Variants in PHACTR2 observed in about 807,000 individuals in gnomAD.
The protein encoded by PHACTR2 is chromosome 6 open reading frame 56.
Under a neutral mutation model 76.0 loss-of-function variants are expected in PHACTR2, and 30 were observed. That is an observed-to-expected ratio of 0.39 (90% CI 0.30 to 0.54). The LOEUF (loss-of-function observed/expected upper bound fraction) is 0.54. Among genes scored for constraint, PHACTR2 ranks in the 20% least tolerant of loss-of-function variants. PHACTR2 has a pLI of 0.61. For synonymous variants in PHACTR2, 292 were observed against 292.5 expected, an observed-to-expected ratio of 1.00 and a Z score of 0.02; for missense variants, 696 against 781.1, an observed-to-expected ratio of 0.89 and a Z score of 1.30.
chr6:143,687,751 G>A (rs1452293217), intron 1 of PHACTR2, among the ~76,000 whole-genome samples: 2 of 152,120 alleles, frequency 1.3e-5, no homozygotes, highest in Non-Finnish European at 2.9e-5. Context: ...AAGGAAATTT[G>A]GCTGCCAAGG....
chr6:143,622,737 G>T (rs2066365), intron 1 of PHACTR2, among the ~76,000 whole-genome samples: 26,852 of 152,138 alleles, frequency 0.18, 2,726 homozygotes, highest in South Asian at 0.27. Context: ...TGATTTTTTT[G>T]TGTGTGTGTT....
At position 143,730,771 on chromosome 6, in the gene PHACTR2, G is replaced by A. The variant is rs968700939; in HGVS notation, c.215-18214G>A. 2.6e-5 allele frequency among the ~76,000 whole-genome samples: 4 copies of A among 152,210 alleles called. No individual in the cohort carries two copies. Among genetic ancestry groups the A allele is most frequent in the African/African-American group, 7.2e-5 (3 of 41,526 alleles). ...TTGTGTGTGTTTGTTTGTTTGAGACGGAGTCTTGCTCTGTGGCCCAGGCTG... is the reference window on the plus strand; with the variant it reads ...TTGTGTGTGTTTGTTTGTTTGAGACAGAGTCTTGCTCTGTGGCCCAGGCTG... On this transcript the variant is annotated intron_variant, in intron 2 of 12. Transcript: ENST00000440869. This position sits in a 1 kb window ranked among gnomAD's most constrained non-coding sequence, Gnocchi z 4.8.
chr6:143,753,834 G>A lies in PHACTR2; in HGVS notation c.376G>A (p.Val126Ile), dbSNP rs1779240997. ...AGAGGAATCTACCCGAGAGGAAAAT[G>A]TAGTAAAGTCTGAAGAAGGTAATGG... ...IGEESTREENVVKSEEGNGSV... is the reference protein window; with the variant it reads ...IGEESTREENIVKSEEGNGSV... Residue 126 changes from valine to isoleucine, a missense_variant, in exon 4 of 13, where the codon GTA becomes ATA. By Grantham distance (29) the Val-to-Ile change is conservative (BLOSUM62 3). Transcript: ENST00000440869. This position sits in a 1 kb window ranked among gnomAD's most constrained non-coding sequence, Gnocchi z 4.6. The A allele has an allele frequency of 1.2e-6, 2 of 1,613,002 alleles. No individual in the cohort carries two copies. The highest frequency in any genetic ancestry group is 1.1e-5 in the South Asian group (1 of 91,012).
At chr6:143,642,077 GA>G (rs1307389639) in intron 1 of PHACTR2, among the ~76,000 whole-genome samples, 2 of 152,136 alleles carry the variant, frequency 1.3e-5, no homozygotes, top group African/African-American at 4.8e-5. Flanking sequence ...CCTTGATTCA[GA>G]ATGTCCTTTC....
rs1280949631 is a variant in PHACTR2 at position 143,556,939 on chromosome 6, C to G, written c.217+19732C>G. On this transcript the variant is annotated intron_variant, in intron 1 of 11. Transcript: ENST00000367584. The surrounding 1 kb of genome is among the most constrained non-coding windows in gnomAD (Gnocchi z 4.3). Reference sequence around the variant, plus strand: ...ATATGCTGCCTGTCTGTCCTCCTCCCTCAGAGAGACCACATTTCCTTTTGA... The same window carrying G: ...ATATGCTGCCTGTCTGTCCTCCTCCGTCAGAGAGACCACATTTCCTTTTGA... Among the ~76,000 whole-genome samples, 1 of 152,198 alleles carries G rather than the reference C, an allele frequency of 6.6e-6. No homozygotes were observed. Among genetic ancestry groups the G allele is most frequent in the Non-Finnish European group, 1.5e-5 (1 of 68,034 alleles).
chr6:143,556,728 T>G lies in PHACTR2; in HGVS notation c.217+19521T>G, dbSNP rs1018858015. Among the ~76,000 whole-genome samples, 1 of 152,148 alleles carries G rather than the reference T, an allele frequency of 6.6e-6. No homozygotes were observed. The highest frequency in any genetic ancestry group is 1.5e-5 in the Non-Finnish European group (1 of 68,024). On this transcript the variant is annotated intron_variant, in intron 1 of 11. Coordinates refer to the PHACTR2 transcript ENST00000367584. This position sits in a 1 kb window ranked among gnomAD's most constrained non-coding sequence, Gnocchi z 4.3. ...AACTAGAGGAGAAGGAAGACGTACA[T>G]CACCACAGGACCACAGCGACGCATC...
chr6:143,646,541 G>GA lies in PHACTR2; in HGVS notation c.13+38226dup, dbSNP rs1293286670. On this transcript the variant is annotated intron_variant, in intron 1 of 11. Transcript: ENST00000305766. This position sits in a 1 kb window ranked among gnomAD's most constrained non-coding sequence, Gnocchi z 4.1. The stretch of plus-strand genomic sequence containing the variant: ...ATAACCTGATCCTTCAAATATAACT[G>GA]AAAAAAAGGTGCTCCATTTTGCATG... 1.3e-5 allele frequency among the ~76,000 whole-genome samples: 2 copies of GA among 151,850 alleles called. No individual in the cohort carries two copies. Among genetic ancestry groups the GA allele is most frequent in the African/African-American group, 4.8e-5 (2 of 41,358 alleles).
At chr6:143,615,816 A>G (rs1471808321) in intron 1 of PHACTR2, among the ~76,000 whole-genome samples, 15 of 152,186 alleles carry the variant, frequency 9.9e-5, no homozygotes, top group Admixed American at 9.8e-4. Flanking sequence ...AGGGAAGACC[A>G]CAGAGTACCT....
chr6:143,716,734 G>A (rs1384576828), intron 2 of PHACTR2, among the ~76,000 whole-genome samples: 2 of 152,218 alleles, frequency 1.3e-5, no homozygotes, highest in Non-Finnish European at 2.9e-5. Flanking sequence ...GCTATATAAA[G>A]TGGAACACAG....
Position 143,543,522 on chromosome 6 carries a change from AG to A in PHACTR2, c.217+6318del, listed in dbSNP as rs1781191405. ...GGGAGAACCTAGGATGGTCGGCTATAGGGAATGGCTGTGGGGAGAAAATGCC... is the reference window on the plus strand; with the variant it reads ...GGGAGAACCTAGGATGGTCGGCTATAGGAATGGCTGTGGGGAGAAAATGCC... On this transcript the variant is annotated intron_variant, in intron 1 of 11. Coordinates refer to the PHACTR2 transcript ENST00000367584. The surrounding 1 kb of genome is among the most constrained non-coding windows in gnomAD (Gnocchi z 4.7). Among the ~76,000 whole-genome samples the A allele has an allele frequency of 6.6e-6, 1 of 152,246 alleles. No individual in the cohort carries two copies. Among genetic ancestry groups the A allele is most frequent in the South Asian group, 2.1e-4 (1 of 4,834 alleles).
chr6:143,661,052 A>G (rs1179231174), intron 1 of PHACTR2, among the ~76,000 whole-genome samples: 1 of 152,234 alleles, frequency 6.6e-6, no homozygotes, highest in Non-Finnish European at 1.5e-5. Flanking sequence ...CAGTTTTCAG[A>G]TACTAGCTAT....
Position 143,592,066 on chromosome 6 carries a change from G to C in PHACTR2, c.217+54859G>C, listed in dbSNP as rs1247928858. On this transcript the variant is annotated intron_variant, in intron 1 of 11. Transcript: ENST00000367584. This position sits in a 1 kb window ranked among gnomAD's most constrained non-coding sequence, Gnocchi z 4.0. ...ACTCTGACACAATGGGACAGACCTG[G>C]TGGTGCTCTGAGGAGTGGGTGCTTC... Among the ~76,000 whole-genome samples the C allele has an allele frequency of 6.6e-6, 1 of 152,188 alleles. No individual in the cohort carries two copies. The highest frequency in any genetic ancestry group is 1.5e-5 in the Non-Finnish European group (1 of 68,032).
intron 11 of PHACTR2, among the ~76,000 whole-genome samples, chr6:143,797,654 G>A (rs947967319): frequency 2.0e-5 from 3 of 152,110 alleles, no homozygotes; most frequent in East Asian, 3.9e-4. Flanking sequence ...TCCCAACACC[G>A]TTTATTAAAT....
intron 1 of PHACTR2, among the ~76,000 whole-genome samples, chr6:143,563,703 A>G (rs190885092): frequency 1.8e-4 from 27 of 151,878 alleles, no homozygotes; most frequent in African/African-American, 6.3e-4. Context: ...ACATTAAAAT[A>G]TATTTATTCT....
intron 1 of PHACTR2, among the ~76,000 whole-genome samples, chr6:143,643,569 A>C (rs1776604214): frequency 6.6e-6 from 1 of 152,200 alleles, no homozygotes; most frequent in African/African-American, 2.4e-5. Flanking sequence ...AGGAAGGAAA[A>C]TGTACCTTCA....
At chr6:143,711,059 A>C (rs1778166536) in intron 1 of PHACTR2, 2 of 516,436 alleles carry the variant, frequency 3.9e-6, no homozygotes, top group South Asian at 1.4e-5. Context: ...CAAAAGTGAA[A>C]TGCAAAAAAT....
In PHACTR2 at chr6:143,571,239, G is replaced by A. The variant is rs1262500747; in HGVS notation, c.217+34032G>A. 2.6e-5 allele frequency among the ~76,000 whole-genome samples: 4 copies of A among 152,134 alleles called. No homozygotes were observed. The highest frequency in any genetic ancestry group is 9.7e-5 in the African/African-American group (4 of 41,432). On this transcript the variant is annotated intron_variant, in intron 1 of 11. Coordinates refer to the PHACTR2 transcript ENST00000367584. This position sits in a 1 kb window ranked among gnomAD's most constrained non-coding sequence, Gnocchi z 4.6. ...ATCATTGTTAGTAACAATTATCATT[G>A]CGGTGTTTGTCAGATGGTGACTTTC... is the stretch of plus-strand genomic sequence containing the variant.
In PHACTR2 at chr6:143,777,316, T is replaced by C; in HGVS notation, c.1590-12T>C. The C allele has an allele frequency of 6.4e-7, 1 of 1,556,146 alleles. No individual in the cohort carries two copies. The stretch of plus-strand genomic sequence containing the variant: ...GTTTTTAACCTGTAATATATCCTTT[T>C]TGTCATCATAGGAGGCTGAGCCAGA... On this transcript the variant is annotated splice_polypyrimidine_tract_variant and intron_variant, in intron 8 of 12. Coordinates refer to ENST00000440869, the MANE Select transcript of PHACTR2 (RefSeq NM_001100164.2). The surrounding 1 kb of genome is among the most constrained non-coding windows in gnomAD (Gnocchi z 4.6).
intron 1 of PHACTR2, among the ~76,000 whole-genome samples, chr6:143,594,601 G>T (rs1408634308): frequency 3.3e-5 from 5 of 152,244 alleles, no homozygotes; most frequent in African/African-American, 1.2e-4. Flanking sequence ...CTTCTCTACT[G>T]AATGAAAACT....
Sources: gnomAD v4.1 joint callset for allele counts (sites outside exome capture counted in the v4.1 genomes callset) on GRCh38, gnomAD v4.1.1 for gene constraint, Gnocchi (gnomAD v3.1) non-coding constraint, MANE v1.5 for transcripts, NCBI Gene and HGNC (gene_info 2026-07-23, HGNC 2026-07-21) for gene names.